The following SBK1 variants were observed in gnomAD, a reference collection of about 807,000 sequenced individuals.
The protein encoded by SBK1 is serine/threonine-protein kinase SBK1.
Under a neutral mutation model 24.4 loss-of-function variants are expected in SBK1, and 11 were observed. That is an observed-to-expected ratio of 0.45 (90% CI 0.28 to 0.75). SBK1 has a LOEUF of 0.75. Ranked by LOEUF, SBK1 falls within the 30% of genes least tolerant of loss-of-function variation. SBK1 has a pLI of 0.12. For synonymous variants in SBK1, 308 were observed against 284.4 expected (o/e 1.08, Z -0.83); for missense variants, 467 against 620.5 (o/e 0.75, Z 2.63).
At chr16:28,273,150 G>C (rs1445753798) in intron 1 of SBK1, among the ~76,000 whole-genome samples, 1 of 151,652 alleles carries the variant, frequency 6.6e-6, no homozygotes, top group East Asian at 1.9e-4. Context: ...GCCTCAAGCA[G>C]TCCCTTCACT....
intron 1 of SBK1, among the ~76,000 whole-genome samples, chr16:28,313,756 C>T (rs559811267): frequency 1.7e-4 from 26 of 151,968 alleles, no homozygotes; most frequent in African/African-American, 6.0e-4. Context: ...GATGGAGCTC[C>T]GTTTGGGGCT....
At chr16:28,278,731 C>G (rs2044510433) in intron 1 of SBK1, among the ~76,000 whole-genome samples, 1 of 152,134 alleles carries the variant, frequency 6.6e-6, no homozygotes, top group Non-Finnish European at 1.5e-5. Flanking sequence ...CAGGCATGAT[C>G]ACACTCCGAC....
Position 28,259,509 on chromosome 16 carries a change from G to A in SBK1, c.257+7G>A. 2 of 971,908 alleles carry A rather than the reference G, an allele frequency of 2.1e-6. No individual in the cohort carries two copies. Among genetic ancestry groups the A allele is most frequent in the Non-Finnish European group, 1.2e-6 (1 of 817,502 alleles). 60.2% of individuals were successfully genotyped at this position (971,908 alleles called of 1,614,324 possible). On this transcript the variant is annotated splice_region_variant and intron_variant, in intron 1 of 3. Coordinates refer to the SBK1 transcript ENST00000671413. The surrounding 1 kb of genome is among the most constrained non-coding windows in gnomAD (Gnocchi z 6.0). Reference sequence around the variant, plus strand: ...AAGAAGTCCCATTGCGGAGGTCAGTGCTCGTGGGTGGCCAGTGGGTGGGCA... The same window carrying A: ...AAGAAGTCCCATTGCGGAGGTCAGTACTCGTGGGTGGCCAGTGGGTGGGCA...
In SBK1 at chr16:28,317,589, G is replaced by A. The variant is rs1567680634; in HGVS notation, c.198G>A (p.Lys66=). 2 of 1,614,010 alleles carry A rather than the reference G, an allele frequency of 1.2e-6. No individual in the cohort carries two copies. Among genetic ancestry groups the A allele is most frequent in the Non-Finnish European group, 8.5e-7 (1 of 1,179,820 alleles). Residue 66 remains lysine, a synonymous_variant, in exon 2 of 4, where the codon AAG becomes AAA. Coordinates refer to ENST00000341901, the MANE Select transcript of SBK1 (RefSeq NM_001024401.3). This position sits in a 1 kb window ranked among gnomAD's most constrained non-coding sequence, Gnocchi z 4.2. The part of the protein sequence containing the change: ...VRELGKGTYG[K]VDLVVYKGTG... ...AGCTGGGCAAAGGCACCTATGGGAA[G>A]GTTGACCTGGTGGTCTACAAGGGCA...
intron 1 of SBK1, among the ~76,000 whole-genome samples, chr16:28,282,738 C>T (rs757418304): frequency 2.6e-5 from 4 of 152,060 alleles, no homozygotes; most frequent in Non-Finnish European, 5.9e-5. Context: ...AAGCCCCTCA[C>T]ATGGCTCCAA....
At chr16:28,280,327 TAC>T in intron 1 of SBK1, among the ~76,000 whole-genome samples, 1 of 123,194 alleles carries the variant, frequency 8.1e-6, no homozygotes, top group South Asian at 2.8e-4. Flanking sequence ...TATATATACG[TAC>T]ATATGTATAT....
rs1303504282 is a variant in SBK1, at chr16:28,262,164, G to C, written c.257+2662G>C. Among the ~76,000 whole-genome samples the C allele has an allele frequency of 2.0e-5, 3 of 152,188 alleles. No individual in the cohort carries two copies. In the East Asian group the frequency reaches 5.8e-4, roughly 29 times the overall value. Reference sequence around the variant, plus strand: ...AGTGTTTCTTTGCTGCTGGAGGAGGGGCAGTGGGGCAATGAGGCTGGGTGG... The same window carrying C: ...AGTGTTTCTTTGCTGCTGGAGGAGGCGCAGTGGGGCAATGAGGCTGGGTGG... On this transcript the variant is annotated intron_variant, in intron 1 of 3. Transcript: ENST00000671413.
chr16:28,308,450 CTTTTTTTTTTTTTTT>C (rs59880320), intron 1 of SBK1, among the ~76,000 whole-genome samples: 11 of 40,014 alleles, frequency 2.7e-4, no homozygotes, highest in African/African-American at 3.3e-4. Flanking sequence ...CATGCTTGGG[CTTTTTTTTTTTTTTT>C]TTTTTTTTTT....
chr16:28,265,739 T>C (rs1460671628), intron 1 of SBK1, among the ~76,000 whole-genome samples: 1 of 150,446 alleles, frequency 6.6e-6, no homozygotes, highest in African/African-American at 2.4e-5. Context: ...TTTGGGAGAG[T>C]GAAGCAGGCG....
chr16:28,264,540 C>T (rs1410178682), intron 1 of SBK1, among the ~76,000 whole-genome samples: 1 of 151,524 alleles, frequency 6.6e-6, no homozygotes, highest in Non-Finnish European at 1.5e-5. Context: ...CTACTGCACT[C>T]CAGCCTGGGC....
chr16:28,280,137 A>ATGTG (rs1361531982), intron 1 of SBK1, among the ~76,000 whole-genome samples: 5 of 59,112 alleles, frequency 8.5e-5, no homozygotes, highest in Non-Finnish European at 1.7e-4. Flanking sequence ...ATATATATAT[A>ATGTG]TATATATATA....
rs767323958 is a variant in SBK1, at chr16:28,317,507, T to C, written c.116T>C (p.Leu39Pro). 7 of 1,614,032 alleles carry C rather than the reference T, an allele frequency of 4.3e-6. No homozygotes were observed. The highest frequency in any genetic ancestry group is 8.5e-7 in the Non-Finnish European group (1 of 1,180,028). The change falls in exon 2 of 4, where the codon CTG becomes CCG. Residue 39 changes from leucine (L) to proline (P), a missense_variant. By Grantham distance (98) the Leu-to-Pro change is moderately conservative. Coordinates refer to ENST00000341901, the MANE Select transcript of SBK1 (RefSeq NM_001024401.3). The surrounding 1 kb of genome is among the most constrained non-coding windows in gnomAD (Gnocchi z 4.2). ...CTTCTCACTGAAGACATGCAGGCCC[T>C]GACTCTCCGCACACTGGCCGCCAGC... ...VPLLTEDMQA[L>P]TLRTLAASDV...
intron 1 of SBK1, among the ~76,000 whole-genome samples, chr16:28,282,186 C>G (rs1461773966): frequency 6.6e-6 from 1 of 152,128 alleles, no homozygotes; most frequent in Non-Finnish European, 1.5e-5. Context: ...CCCCTGGGAC[C>G]CAAGCGAGGA....
Position 28,322,479 on chromosome 16 carries a change from C to G in SBK1, c.*1558C>G, listed in dbSNP as rs1047041054. 3 of 152,898 alleles carry G rather than the reference C, an allele frequency of 2.0e-5. No homozygotes were observed. The highest frequency in any genetic ancestry group is 4.4e-5 in the Non-Finnish European group (3 of 68,154). 9.5% of individuals were successfully genotyped at this position (152,898 alleles called of 1,614,324 possible). ...CCATTTGAGGGGCTCTTTGATGGGC[C>G]AGGCCGGCCAGAGTGAACTCCGAGC... On this transcript the variant is annotated 3_prime_UTR_variant, in exon 4 of 4. Coordinates refer to ENST00000341901, the MANE Select transcript of SBK1 (RefSeq NM_001024401.3).
chr16:28,293,683 G>C (rs956532906), intron 1 of SBK1, among the ~76,000 whole-genome samples: 1 of 152,068 alleles, frequency 6.6e-6, no homozygotes, highest in African/African-American at 2.4e-5. Context: ...TTCTAGTGAA[G>C]TCCCCCCGAG....
chr16:28,276,476 C>G (rs911398143), intron 1 of SBK1, among the ~76,000 whole-genome samples: 7 of 152,060 alleles, frequency 4.6e-5, no homozygotes, highest in Non-Finnish European at 7.4e-5. Flanking sequence ...TGTTGGCTTG[C>G]TTGGTGCAGG....
At chr16:28,272,619 CTTTTTTTTT>C (rs71140961) in intron 1 of SBK1, among the ~76,000 whole-genome samples, 2 of 105,966 alleles carry the variant, frequency 1.9e-5, no homozygotes, top group African/African-American at 3.5e-5. Flanking sequence ...TTCTTTCTTT[CTTTTTTTTT>C]TTTTTTTTTT....
rs1194478436 is a variant in SBK1, at chr16:28,323,307, A to T, written c.*2386A>T. On this transcript the variant is annotated 3_prime_UTR_variant, in exon 4 of 4. Coordinates refer to ENST00000341901, the MANE Select transcript of SBK1 (RefSeq NM_001024401.3). Reference sequence around the variant, plus strand: ...AATAGCAAAAAATAACACTGTAGACATGAAGACTTAGAAGACAAAAAAAAA... The same window carrying T: ...AATAGCAAAAAATAACACTGTAGACTTGAAGACTTAGAAGACAAAAAAAAA... 1 of 151,992 alleles carries T rather than the reference A, an allele frequency of 6.6e-6. No homozygotes were observed. The highest frequency in any genetic ancestry group is 2.4e-5 in the African/African-American group (1 of 41,080). 9.4% of individuals were successfully genotyped at this position (151,992 alleles called of 1,614,324 possible).
intron 1 of SBK1, among the ~76,000 whole-genome samples, chr16:28,264,929 G>A (rs777558676): frequency 2.0e-5 from 3 of 152,060 alleles, no homozygotes; most frequent in Non-Finnish European, 2.9e-5. Flanking sequence ...GCGAGGAGAG[G>A]GGGCGTGGTC....
Sources: gnomAD v4.1 joint callset for allele counts (sites outside exome capture counted in the v4.1 genomes callset) on GRCh38, gnomAD v4.1.1 for gene constraint, Gnocchi (gnomAD v3.1) non-coding constraint, MANE v1.5 for transcripts, NCBI Gene and HGNC (gene_info 2026-07-23, HGNC 2026-07-21) for gene names.